Variants in UBE4B observed in about 807,000 individuals in gnomAD.
UBE4B encodes ubiquitination factor E4B, also known as ubiquitin conjugation factor E4 B.
Under a neutral mutation model 148.1 loss-of-function variants are expected in UBE4B, and 27 were observed. The ratio of observed to expected loss-of-function variants is 0.18; its 90% CI spans 0.13 to 0.25. The LOEUF is 0.25. Among genes scored for constraint, UBE4B ranks in the 10% least tolerant of loss-of-function variants. UBE4B has a pLI of 1.00. For synonymous variants in UBE4B, 596 were observed against 619.3 expected (o/e 0.96, Z 0.56); for missense variants, 1,170 against 1,662.4 (o/e 0.70, Z 5.15).
intron 2 of UBE4B, 22 bp from the exon 3 acceptor site, chr1:10,095,439 C>T (rs1407278044): frequency 6.2e-6 from 10 of 1,612,368 alleles, no homozygotes; most frequent in Non-Finnish European, 8.5e-6. Context: ...GGGGCTTCAT[C>T]CTTCCTGTGT....
chr1:10,145,025 A>G lies in UBE4B; in HGVS notation c.2449A>G (p.Lys817Glu). 1.2e-6 allele frequency: 2 copies of G among 1,613,680 alleles called. No individual in the cohort carries two copies. Among genetic ancestry groups the G allele is most frequent in the Non-Finnish European group, 1.7e-6 (2 of 1,179,706 alleles). Residue 817 changes from lysine (K) to glutamate (E), a missense_variant, in exon 18 of 28, where the codon AAA (lysine) becomes GAA (glutamate). By Grantham distance (56) the Lys-to-Glu change is moderately conservative. Coordinates refer to ENST00000343090, the MANE Select transcript of UBE4B (RefSeq NM_001105562.3). ...ACACCGCGAAATGCTGAAGCGCTGTAAAACTCAGCTTAAGGTTTGTATAGC... is the reference window on the plus strand; with the variant it reads ...ACACCGCGAAATGCTGAAGCGCTGTGAAACTCAGCTTAAGGTTTGTATAGC... ...TRHREMLKRCKTQLKKLVRCK... is the reference protein window; with the variant it reads ...TRHREMLKRCETQLKKLVRCK...
intron 17 of UBE4B, among the ~76,000 whole-genome samples, chr1:10,140,019 C>T (rs1015566294): frequency 3.3e-5 from 5 of 152,178 alleles, no homozygotes; most frequent in Non-Finnish European, 7.3e-5. Context: ...CTGCACCCGG[C>T]CCATTTTAAT....
chr1:10,121,210 G>A (rs1645404084), intron 9 of UBE4B, among the ~76,000 whole-genome samples: 1 of 151,922 alleles, frequency 6.6e-6, no homozygotes. Flanking sequence ...ACAAAAATTA[G>A]CCAGGCGTGG....
chr1:10,118,457 C>T (rs1645352275), intron 8 of UBE4B, among the ~76,000 whole-genome samples: 1 of 152,104 alleles, frequency 6.6e-6, no homozygotes, highest in Admixed American at 6.5e-5. Flanking sequence ...CCTGCCTCAG[C>T]CTCCTGAGTA....
At chr1:10,142,494 A>T (rs897594027) in intron 17 of UBE4B, among the ~76,000 whole-genome samples, 2 of 152,014 alleles carry the variant, frequency 1.3e-5, no homozygotes, top group Admixed American at 1.3e-4. Flanking sequence ...AACATGGTGA[A>T]ACCTCGTCAC....
In UBE4B at chr1:10,033,639, C is replaced by T. The variant is rs762474532; in HGVS notation, c.-32C>T. ...TGGTCTCGAGAACAGAAGGATCTCT[C>T]CTTAACGCCTTTCACCATTAAGAGG... On this transcript the variant is annotated 5_prime_UTR_variant, in exon 1 of 28. Coordinates refer to ENST00000343090, the MANE Select transcript of UBE4B (RefSeq NM_001105562.3). The T allele has an allele frequency of 7.7e-6, 12 of 1,553,284 alleles. No homozygotes were observed. Among genetic ancestry groups the T allele is most frequent in the Non-Finnish European group, 8.7e-6 (10 of 1,150,046 alleles).
At chr1:10,066,041 C>A (rs1157322545) in intron 1 of UBE4B, among the ~76,000 whole-genome samples, 1 of 144,306 alleles carries the variant, frequency 6.9e-6, no homozygotes, top group Non-Finnish European at 1.5e-5. Flanking sequence ...CCCTCCCCCC[C>A]TCCTTCCCTC....
At chr1:10,114,086 A>G (rs1048890927) in intron 7 of UBE4B, among the ~76,000 whole-genome samples, 2 of 151,896 alleles carry the variant, frequency 1.3e-5, no homozygotes, top group African/African-American at 2.4e-5. Context: ...AAAGAAAAAA[A>G]AAAAAAAAGA....
At chr1:10,175,650 CAAATAAAT>C (rs950568771) in intron 25 of UBE4B, among the ~76,000 whole-genome samples, 1 of 140,236 alleles carries the variant, frequency 7.1e-6, no homozygotes, top group African/African-American at 3.1e-5. Context: ...GACTCCGTCT[CAAATAAAT>C]AAATAAATAA....
intron 1 of UBE4B, among the ~76,000 whole-genome samples, chr1:10,041,023 A>G (rs1643742837): frequency 6.6e-6 from 1 of 152,144 alleles, no homozygotes; most frequent in African/African-American, 2.4e-5. Flanking sequence ...CTTTATAACC[A>G]GGACTCTTTC....
intron 2 of UBE4B, among the ~76,000 whole-genome samples, chr1:10,090,675 C>T (rs1007486908): frequency 6.6e-6 from 1 of 152,064 alleles, no homozygotes; most frequent in African/African-American, 2.4e-5. Flanking sequence ...TTGCCTCGAC[C>T]GCCCAATCTG....
chr1:10,177,895 C>A (rs1009612451), intron 25 of UBE4B, among the ~76,000 whole-genome samples: 1 of 151,914 alleles, frequency 6.6e-6, no homozygotes, highest in Admixed American at 6.6e-5. Flanking sequence ...ACTCAAAGAA[C>A]CTGGGCTTAG....
chr1:10,165,386 C>G (rs1203155962), intron 23 of UBE4B, among the ~76,000 whole-genome samples: 1 of 152,118 alleles, frequency 6.6e-6, no homozygotes, highest in Non-Finnish European at 1.5e-5. Flanking sequence ...GCATCTCTTA[C>G]CTGGGTTATT....
intron 1 of UBE4B, among the ~76,000 whole-genome samples, chr1:10,060,237 CTT>C (rs931236195): frequency 1.3e-5 from 2 of 152,160 alleles, no homozygotes; most frequent in African/African-American, 4.8e-5. Flanking sequence ...GTTACACAAA[CTT>C]AGATGGCATA....
At chr1:10,059,321 C>T (rs899533430) in intron 1 of UBE4B, 58 of 160,078 alleles carry the variant, frequency 3.6e-4, no homozygotes, top group Non-Finnish European at 9.9e-5. Flanking sequence ...TGCTGGTGGG[C>T]AGACTACACT....
intron 1 of UBE4B, among the ~76,000 whole-genome samples, chr1:10,035,786 A>G (rs1643500639): frequency 6.7e-6 from 1 of 149,108 alleles, no homozygotes. Flanking sequence ...TCTGTTGCCC[A>G]GGCTAGAGTG....
At chr1:10,165,673 GC>G (rs1646236186) in intron 23 of UBE4B, among the ~76,000 whole-genome samples, 2 of 152,160 alleles carry the variant, frequency 1.3e-5, no homozygotes, top group East Asian at 3.9e-4. Context: ...ACACGTGAGG[GC>G]CTTTACACCT....
intron 16 of UBE4B, 117 bp downstream of exon 16, chr1:10,135,303 A>G: frequency 9.1e-7 from 1 of 1,097,310 alleles, no homozygotes; most frequent in South Asian, 1.5e-5. Context: ...ATAGAGAAAC[A>G]TAATAAAAAT....
At chr1:10,101,839 C>G (rs1357020373) in intron 4 of UBE4B, among the ~76,000 whole-genome samples, 1 of 152,106 alleles carries the variant, frequency 6.6e-6, no homozygotes, top group Non-Finnish European at 1.5e-5. Context: ...TAGATCATCA[C>G]ATCTTTAGCA....
Sources: allele counts gnomAD v4.1 joint callset (sites outside exome capture counted in the v4.1 genomes callset), GRCh38; gene constraint gnomAD v4.1.1; transcripts MANE v1.5; gene names NCBI Gene and HGNC (gene_info 2026-07-23, HGNC 2026-07-21).